ROBO2: variants seen among roughly 807,000 people sequenced by gnomAD.
ROBO2 encodes roundabout guidance receptor 2.
ROBO2 carries 53 observed loss-of-function variants against 160.8 expected under a neutral mutation model. The ratio of observed to expected loss-of-function variants is 0.33; its 90% CI spans 0.26 to 0.41. ROBO2 has a LOEUF of 0.41. Ranked by LOEUF, ROBO2 falls within the 10% of genes least tolerant of loss-of-function variation. The pLI is 1.00. For missense variants in ROBO2, 1,577 were observed against 1,722.4 expected, an observed-to-expected ratio of 0.92 and a Z score of 1.49; for synonymous variants, 664 against 611.7, an observed-to-expected ratio of 1.09 and a Z score of -1.26.
intron 2 of ROBO2, among the ~76,000 whole-genome samples, chr3:77,402,234 AATG>A (rs1453365858): frequency 6.6e-6 from 1 of 151,114 alleles, no homozygotes; most frequent in East Asian, 1.9e-4. Flanking sequence ...GGGATTGAAT[AATG>A]ATAACACATG....
intron 2 of ROBO2, among the ~76,000 whole-genome samples, chr3:76,406,231 A>G (rs1202709334): frequency 1.3e-5 from 2 of 151,870 alleles, no homozygotes; most frequent in South Asian, 2.1e-4. Context: ...AAAATGTAAT[A>G]AATCAATGGA....
In ROBO2 at chr3:77,510,191, G is replaced by C. The variant is rs114013642; in HGVS notation, c.807-12584G>C. Among the ~76,000 whole-genome samples, 1,440 of 152,118 alleles carry C rather than the reference G, an allele frequency of 9.5e-3. 25 individuals are homozygous for C. The highest frequency in any genetic ancestry group is 0.032 in the African/African-American group (1,328 of 41,514). ...GAATTGGAGTTTTTATTAATCTACT[G>C]TATATATTTAAAGAAGACAGTAAAC... On this transcript the variant is annotated intron_variant, in intron 5 of 25. Coordinates refer to ENST00000461745, the Ensembl canonical transcript of ROBO2.
intron 2 of ROBO2, among the ~76,000 whole-genome samples, chr3:77,409,943 A>G (rs1166986234): frequency 6.6e-6 from 1 of 152,204 alleles, no homozygotes; most frequent in East Asian, 1.9e-4. Context: ...CACATTTAGC[A>G]CAGCACAATA....
At chr3:76,399,881 G>A (rs1198860116) in intron 2 of ROBO2, among the ~76,000 whole-genome samples, 1 of 151,690 alleles carries the variant, frequency 6.6e-6, no homozygotes, top group Non-Finnish European at 1.5e-5. Flanking sequence ...ATACCATATA[G>A]TAGATACAGT....
chr3:76,191,288 G>A (rs535931130), intron 2 of ROBO2, among the ~76,000 whole-genome samples: 5 of 152,040 alleles, frequency 3.3e-5, no homozygotes, highest in Admixed American at 2.0e-4. Context: ...CTCTTCATAC[G>A]TGAAACTCCC....
At chr3:76,436,757 A>C (rs2076702381) in intron 2 of ROBO2, among the ~76,000 whole-genome samples, 2 of 152,196 alleles carry the variant, frequency 1.3e-5, no homozygotes, top group Non-Finnish European at 2.9e-5. Flanking sequence ...AATATAGCTT[A>C]TCATTCATGA....
chr3:76,782,280 T>G (rs2108619649), intron 2 of ROBO2, among the ~76,000 whole-genome samples: 1 of 150,898 alleles, frequency 6.6e-6, no homozygotes, highest in African/African-American at 2.4e-5. Context: ...CGAAATCAGT[T>G]AAGACTTCTT....
intron 2 of ROBO2, among the ~76,000 whole-genome samples, chr3:77,467,619 CT>C (rs1203097347): frequency 1.3e-5 from 2 of 150,344 alleles, no homozygotes; most frequent in Non-Finnish European, 3.0e-5. Flanking sequence ...ATCTATCTAT[CT>C]ATCTATCTAT....
chr3:77,277,212 C>CTTTCTTTCTTTT, intron 2 of ROBO2, among the ~76,000 whole-genome samples: 1 of 80,054 alleles, frequency 1.2e-5, no homozygotes, highest in Non-Finnish European at 2.5e-5. Flanking sequence ...TTCTTTCTTT[C>CTTTCTTTCTTTT]TTCTTTCTTT....
chr3:76,358,776 T>TTTA (rs533848203), intron 2 of ROBO2, among the ~76,000 whole-genome samples: 3 of 151,874 alleles, frequency 2.0e-5, no homozygotes, highest in Non-Finnish European at 4.4e-5. Flanking sequence ...TTTTTTTTAT[T>TTTA]TTATTATTAT....
chr3:77,051,556 C>T (rs72904014), intron 1 of ROBO2, among the ~76,000 whole-genome samples: 307 of 152,328 alleles, frequency 2.0e-3, no homozygotes, highest in African/African-American at 7.1e-3. Flanking sequence ...AAATGTGTCT[C>T]ATCATGGTAA....
Position 77,167,445 on chromosome 3 carries a change from A to G in ROBO2, c.388+69105A>G, listed in dbSNP as rs72891559. On this transcript the variant is annotated intron_variant, in intron 2 of 25. Transcript: ENST00000461745. ...TGAAGACCTAGGTGGCCTCACTGCT[A>G]GGTATACTCTCTTTATTCACTTTAT... is the stretch of plus-strand genomic sequence containing the variant. Among the ~76,000 whole-genome samples, 1,150 of 152,284 alleles carry G rather than the reference A, an allele frequency of 7.6e-3. 14 individuals are homozygous for G. Among genetic ancestry groups the G allele is most frequent in the African/African-American group, 0.025 (1,037 of 41,568 alleles).
At chr3:76,188,327 G>A (rs1450792248) in intron 2 of ROBO2, among the ~76,000 whole-genome samples, 2 of 151,976 alleles carry the variant, frequency 1.3e-5, no homozygotes, top group Non-Finnish European at 2.9e-5. Context: ...TTTGAACACA[G>A]AGACAGACAC....
chr3:77,478,343 A>G (rs2084289958), intron 3 of ROBO2, among the ~76,000 whole-genome samples: 1 of 152,228 alleles, frequency 6.6e-6, no homozygotes, highest in Admixed American at 6.5e-5. Context: ...AATTTTATAC[A>G]TGAATTGATT....
At chr3:77,010,868 A>ACCTT (rs2061850908) in intron 2 of ROBO2, among the ~76,000 whole-genome samples, 1 of 28,204 alleles carries the variant, frequency 3.5e-5, no homozygotes, top group South Asian at 1.6e-3. Flanking sequence ...CTCCCTCCCT[A>ACCTT]CCTTCCTTCC....
intron 8 of ROBO2, 91 bp downstream of exon 9, chr3:77,551,080 A>G: frequency 7.4e-7 from 1 of 1,346,012 alleles, no homozygotes; most frequent in Non-Finnish European, 1.1e-6. Flanking sequence ...GATTTGTTAA[A>G]TCATTTCTAT....
intron 2 of ROBO2, among the ~76,000 whole-genome samples, chr3:76,046,558 G>A (rs1231023751): frequency 2.6e-5 from 4 of 151,946 alleles, no homozygotes; most frequent in Admixed American, 2.6e-4. Flanking sequence ...TGAGGCAGGA[G>A]AATGGCGTGA....
chr3:77,282,481 C>A (rs2153373041), intron 2 of ROBO2, among the ~76,000 whole-genome samples: 1 of 151,932 alleles, frequency 6.6e-6, no homozygotes, highest in African/African-American at 2.4e-5. Flanking sequence ...ATCTAACATG[C>A]TTTCTTTATT....
chr3:77,645,516 G>A (rs528096994), intron 25 of ROBO2, among the ~76,000 whole-genome samples: 21 of 152,138 alleles, frequency 1.4e-4, no homozygotes, highest in Non-Finnish European at 2.4e-4. Context: ...TGAACTCCTT[G>A]TGTTAATTTC....
Sources: gnomAD v4.1 joint callset for allele counts (sites outside exome capture counted in the v4.1 genomes callset) on GRCh38, gnomAD v4.1.1 for gene constraint, MANE v1.5 for transcripts, NCBI Gene and HGNC (gene_info 2026-07-23, HGNC 2026-07-21) for gene names.